The following ADAP2 variants were observed in gnomAD, a reference collection of about 807,000 sequenced individuals.
ADAP2 encodes the protein arf-GAP with dual PH domain-containing protein 2.
In ADAP2, 42 loss-of-function variants were observed where a neutral mutation model predicts 54.9. That is an observed-to-expected ratio of 0.77 (90% confidence interval 0.60 to 0.99). ADAP2 has a LOEUF of 0.99. Among genes scored for constraint, ADAP2 ranks in the 50% least tolerant of loss-of-function variants. The pLI is 0.00. For synonymous variants in ADAP2, 177 were observed against 180.1 expected (o/e 0.98, Z 0.14); for missense variants, 429 against 480.4 (o/e 0.89, Z 1.00).
chr17:30,932,762 G>T lies in ADAP2; in HGVS notation c.397+794G>T, dbSNP rs184874729. 7.1e-3 allele frequency among the ~76,000 whole-genome samples: 1,082 copies of T among 151,652 alleles called. 9 individuals are homozygous for T. The highest frequency in any genetic ancestry group is 0.024 in the African/African-American group (1,009 of 41,326). On this transcript the variant is annotated intron_variant, in intron 4 of 10. Transcript: ENST00000330889. Reference sequence around the variant, plus strand: ...TTTTTGTATTTTTAGTAAAGACGGGGTTTTACCATGTTGGCCAGGCTGGTC... The same window carrying T: ...TTTTTGTATTTTTAGTAAAGACGGGTTTTTACCATGTTGGCCAGGCTGGTC...
chr17:30,922,109 G>C lies in ADAP2; in HGVS notation c.94+1G>C. ...CACTGCGCCGACTGCGGGGCGGCAG[G>C]TAAGGGCGCGGCGGCGCGGGCAGCG... On this transcript the variant is annotated splice_donor_variant, in intron 1 of 10. Coordinates refer to ENST00000330889, the MANE Select transcript of ADAP2 (RefSeq NM_018404.3). LOFTEE classifies it high-confidence loss of function. The C allele has an allele frequency of 8.0e-7, 1 of 1,245,686 alleles. No homozygotes were observed. The highest frequency in any genetic ancestry group is 3.2e-5 in the East Asian group (1 of 30,926). The allele number at this position is 1,245,686 out of a possible 1,614,324, so 77.2% of individuals were successfully genotyped here.
At position 30,934,226 on chromosome 17, in the gene ADAP2, TCA is replaced by T. The variant is rs1911705637; in HGVS notation, c.442_443del (p.Gln148ValfsTer24). 1.9e-6 allele frequency: 3 copies of T among 1,613,998 alleles called. No homozygotes were observed. Among genetic ancestry groups the T allele is most frequent in the Non-Finnish European group, 2.5e-6 (3 of 1,180,008 alleles). On this transcript the variant is annotated frameshift_variant, in exon 5 of 11. Transcript: ENST00000330889. LOFTEE classifies it high-confidence loss of function. ...CCTGTGGAAGCGAGGAAGGGACAACTCACAGTTTCTGAGAAGGAAGTTTGTAC... is the reference window on the plus strand; with the variant it reads ...CCTGTGGAAGCGAGGAAGGGACAACTCAGTTTCTGAGAAGGAAGTTTGTAC... ...GFLWKRGRDN[S>X]QFLRRKFVLL...
intron 3 of ADAP2, among the ~76,000 whole-genome samples, chr17:30,927,203 A>G (rs1005403771): frequency 6.6e-6 from 1 of 152,118 alleles, no homozygotes; most frequent in Non-Finnish European, 1.5e-5. Flanking sequence ...ATTTTTCTCT[A>G]TGATCTCTGC....
chr17:30,949,081 C>T (rs1904384889), intron 6 of ADAP2, among the ~76,000 whole-genome samples: 1 of 152,222 alleles, frequency 6.6e-6, no homozygotes, highest in Non-Finnish European at 1.5e-5. Flanking sequence ...TTATCCCTGT[C>T]AGAGGCTTCC....
At chr17:30,926,973 C>T in intron 3 of ADAP2, 55 bp downstream of exon 3, 2 of 1,339,438 alleles carry the variant, frequency 1.5e-6, no homozygotes, top group East Asian at 2.3e-5. Context: ...GTTCCACCTC[C>T]TCCCCCTCTC....
intron 4 of ADAP2, 110 bp downstream of exon 4, chr17:30,932,078 A>C: frequency 2.0e-6 from 2 of 1,024,186 alleles, no homozygotes; most frequent in Non-Finnish European, 1.5e-6. Context: ...TGCTGTTCTC[A>C]CTGTGGCCGC....
intron 7 of ADAP2, among the ~76,000 whole-genome samples, chr17:30,951,795 A>G (rs1904666137): frequency 6.6e-6 from 1 of 151,414 alleles, no homozygotes; most frequent in African/African-American, 2.4e-5. Flanking sequence ...AGCTGGGACT[A>G]CAGGCGCTCG....
intron 3 of ADAP2, among the ~76,000 whole-genome samples, chr17:30,928,442 T>C (rs902418368): frequency 2.0e-5 from 3 of 151,850 alleles, no homozygotes; most frequent in African/African-American, 7.3e-5. Context: ...GTTGCAGAGA[T>C]TGCACCACTG....
rs141193002 is a variant in ADAP2 at position 30,941,066 on chromosome 17, G to C, written c.511-3841G>C. On this transcript the variant is annotated intron_variant, in intron 5 of 10. Coordinates refer to ENST00000330889, the MANE Select transcript of ADAP2 (RefSeq NM_018404.3). The stretch of plus-strand genomic sequence containing the variant: ...ACAGTTCTTCAAAGAACTGCCTCAG[G>C]ATCTTGATCTCACTTGTTTAAAATT... Among the ~76,000 whole-genome samples, 333 of 152,296 alleles carry C rather than the reference G, an allele frequency of 2.2e-3. 4 individuals are homozygous for C. Among genetic ancestry groups the C allele is most frequent in the African/African-American group, 7.7e-3 (319 of 41,570 alleles).
At chr17:30,927,697 G>C (rs1911169274) in intron 3 of ADAP2, among the ~76,000 whole-genome samples, 1 of 151,844 alleles carries the variant, frequency 6.6e-6, no homozygotes, top group Non-Finnish European at 1.5e-5. Context: ...ACTTGCCTGA[G>C]CTGCAGATCC....
intron 7 of ADAP2, among the ~76,000 whole-genome samples, chr17:30,952,669 C>G (rs568711331): frequency 2.0e-5 from 3 of 152,196 alleles, no homozygotes; most frequent in African/African-American, 7.2e-5. Flanking sequence ...AGCCACTGCA[C>G]CCAGCCTCTG....
At chr17:30,949,769 AGAAGAAG>A (rs1904485327) in intron 7 of ADAP2, among the ~76,000 whole-genome samples, 1 of 148,620 alleles carries the variant, frequency 6.7e-6, no homozygotes, top group South Asian at 2.1e-4. Context: ...AAAAAAAAAA[AGAAGAAG>A]AAGCCAGACT....
chr17:30,941,083 T>C (rs1912237712), intron 5 of ADAP2, among the ~76,000 whole-genome samples: 1 of 152,228 alleles, frequency 6.6e-6, no homozygotes. Flanking sequence ...ATCTCACTTG[T>C]TTAAAATTTC....
chr17:30,941,590 T>A (rs550895897), intron 5 of ADAP2, among the ~76,000 whole-genome samples: 6 of 152,370 alleles, frequency 3.9e-5, no homozygotes, highest in African/African-American at 1.4e-4. Flanking sequence ...AGACATGTTA[T>A]AACAAGTTAG....
rs1313073497 is a variant in ADAP2, at chr17:30,921,962, G to C, written c.-53G>C. On this transcript the variant is annotated 5_prime_UTR_variant, in exon 1 of 11. Coordinates refer to ENST00000330889, the MANE Select transcript of ADAP2 (RefSeq NM_018404.3). ...GCGGCCGGGTCCCTCTCCACCTGCCGGGCGGAGCGCACGGGCCATGGGCTG... is the reference window on the plus strand; with the variant it reads ...GCGGCCGGGTCCCTCTCCACCTGCCCGGCGGAGCGCACGGGCCATGGGCTG... 3 of 1,186,660 alleles carry C rather than the reference G, an allele frequency of 2.5e-6. No homozygotes were observed. The highest frequency in any genetic ancestry group is 3.4e-5 in the East Asian group (1 of 29,722). The allele number at this position is 1,186,660 out of a possible 1,614,324, so 73.5% of individuals were successfully genotyped here.
intron 7 of ADAP2, among the ~76,000 whole-genome samples, chr17:30,952,164 T>C (rs1457144633): frequency 3.3e-5 from 5 of 152,062 alleles, no homozygotes; most frequent in South Asian, 2.1e-4. Context: ...CCTGGAAACA[T>C]CTCTGGGCGT....
intron 5 of ADAP2, among the ~76,000 whole-genome samples, chr17:30,939,163 G>T (rs571334813): frequency 6.6e-6 from 1 of 152,026 alleles, no homozygotes; most frequent in South Asian, 2.1e-4. Context: ...AAGAGAAAGC[G>T]CTACTGCAGT....
At chr17:30,956,531 T>C in intron 10 of ADAP2, 62 bp downstream of exon 10, 1 of 1,422,858 alleles carries the variant, frequency 7.0e-7, no homozygotes, top group Admixed American at 1.9e-5. Context: ...AAATTGCTTC[T>C]TCACTTAGGT....
chr17:30,922,769 ACCCCGGTCG>A (rs1257640627), intron 1 of ADAP2, among the ~76,000 whole-genome samples, 162 bp from the exon 2 acceptor site: 1 of 151,686 alleles, frequency 6.6e-6, no homozygotes, highest in Admixed American at 6.6e-5. Flanking sequence ...CAGGATCTTC[ACCCCGGTCG>A]CCGCGCAGCG....
Sources: allele counts gnomAD v4.1 joint callset (sites outside exome capture counted in the v4.1 genomes callset), GRCh38; gene constraint gnomAD v4.1.1; transcripts MANE v1.5; gene names NCBI Gene and HGNC (gene_info 2026-07-23, HGNC 2026-07-21).